Variants in KCNT2 observed in about 807,000 individuals in gnomAD.
KCNT2 encodes potassium channel subfamily T member 2.
KCNT2 carries 67 observed loss-of-function variants against 153.8 expected under a neutral mutation model. That is an observed-to-expected ratio of 0.44 (90% confidence interval 0.36 to 0.53). The LOEUF (loss-of-function observed/expected upper bound fraction) is 0.53, where lower values mean the gene tolerates loss of function less well. KCNT2 is among the 20% of genes least tolerant of loss of function. The probability of loss-of-function intolerance (pLI) is 0.00; values close to 1 mark genes in which losing one functional copy is unlikely to be tolerated. For missense variants in KCNT2, 975 were observed against 1,354.8 expected (o/e 0.72, Z 4.40); for synonymous variants, 500 against 458.8 (o/e 1.09, Z -1.15).
intron 1 of KCNT2, among the ~76,000 whole-genome samples, chr1:196,569,317 T>A (rs1459000138): frequency 6.6e-6 from 1 of 152,190 alleles, no homozygotes; most frequent in African/African-American, 2.4e-5. Context: ...AAATATTTTT[T>A]AAAAAACACA....
chr1:196,271,086 G>A (rs1030567428), intron 25 of KCNT2, among the ~76,000 whole-genome samples: 5 of 151,662 alleles, frequency 3.3e-5, no homozygotes, highest in African/African-American at 1.2e-4. Flanking sequence ...CTTATCCTTT[G>A]CAGCATCTGA....
chr1:196,312,234 G>A (rs1662253164), intron 21 of KCNT2, among the ~76,000 whole-genome samples: 1 of 151,498 alleles, frequency 6.6e-6, no homozygotes, highest in African/African-American at 2.4e-5. Context: ...ATACTGTGTA[G>A]GGAGGCGAAC....
chr1:196,571,747 C>A (rs1156861383), intron 1 of KCNT2, among the ~76,000 whole-genome samples: 5 of 151,970 alleles, frequency 3.3e-5, no homozygotes, highest in Non-Finnish European at 7.4e-5. Flanking sequence ...CATTATTCCC[C>A]TAGACATGCA....
intron 1 of KCNT2, among the ~76,000 whole-genome samples, chr1:196,563,116 C>A (rs1166035537): frequency 6.6e-6 from 1 of 151,968 alleles, no homozygotes; most frequent in Non-Finnish European, 1.5e-5. Flanking sequence ...AATGTAGGAA[C>A]CTTACTCTAG....
chr1:196,503,873 A>G (rs1680897416), intron 1 of KCNT2, among the ~76,000 whole-genome samples: 1 of 152,114 alleles, frequency 6.6e-6, no homozygotes, highest in African/African-American at 2.4e-5. Context: ...AGAAGTCACA[A>G]TTCAGTAATG....
At chr1:196,464,534 T>C (rs79083862) in intron 8 of KCNT2, among the ~76,000 whole-genome samples, 2,137 of 152,002 alleles carry the variant, frequency 0.014, 42 homozygotes, top group African/African-American at 0.048. Context: ...CCTTTTTTAG[T>C]ACTTCCTAAT....
At chr1:196,275,881 C>T (rs563167025) in intron 25 of KCNT2, among the ~76,000 whole-genome samples, 3 of 151,984 alleles carry the variant, frequency 2.0e-5, no homozygotes, top group East Asian at 3.9e-4. Context: ...CACATTATGC[C>T]TTTACATCTG....
rs115946641 is a variant in KCNT2, at chr1:196,250,453, T to G, written c.3211+7741A>C. 4.2e-3 allele frequency among the ~76,000 whole-genome samples: 635 copies of G among 152,310 alleles called. 3 individuals are homozygous for G. The highest frequency in any genetic ancestry group is 0.014 in the African/African-American group (571 of 41,578). ...ATGTGGAAGAATGAAGCTAGACCATTACCTCTCACCATTTACAAAAATAAA... is the reference window on the plus strand; with the variant it reads ...ATGTGGAAGAATGAAGCTAGACCATGACCTCTCACCATTTACAAAAATAAA... On this transcript the variant is annotated intron_variant, in intron 26 of 27. Coordinates refer to ENST00000294725, the MANE Select transcript of KCNT2 (RefSeq NM_198503.5).
At chr1:196,231,273 T>C (rs948403062) in intron 27 of KCNT2, among the ~76,000 whole-genome samples, 29 of 152,028 alleles carry the variant, frequency 1.9e-4, no homozygotes, top group African/African-American at 6.7e-4. Context: ...ATAAATTTTG[T>C]ATGCACCGGG....
intron 2 of KCNT2, among the ~76,000 whole-genome samples, chr1:196,491,974 T>C (rs963807520): frequency 1.3e-5 from 2 of 152,088 alleles, no homozygotes; most frequent in African/African-American, 4.8e-5. Context: ...TTTTCCTCAA[T>C]GTTTATACTA....
chr1:196,359,052 TA>T (rs1667407199), intron 14 of KCNT2, among the ~76,000 whole-genome samples: 1 of 152,018 alleles, frequency 6.6e-6, no homozygotes, highest in African/African-American at 2.4e-5. Context: ...TCGTTTTATT[TA>T]AATTATTCTA....
intron 22 of KCNT2, among the ~76,000 whole-genome samples, chr1:196,302,554 T>C (rs1179190375): frequency 6.6e-6 from 1 of 152,156 alleles, no homozygotes; most frequent in Non-Finnish European, 1.5e-5. Context: ...TGGAAGACTA[T>C]CTTCTGTTTC....
intron 25 of KCNT2, among the ~76,000 whole-genome samples, chr1:196,274,144 T>A (rs1658335915): frequency 6.6e-6 from 1 of 151,656 alleles, no homozygotes; most frequent in Non-Finnish European, 1.5e-5. Context: ...TCATATTGGC[T>A]ATGGAATCTA....
At chr1:196,321,571 C>T (rs969458768) in intron 19 of KCNT2, among the ~76,000 whole-genome samples, 5 of 151,862 alleles carry the variant, frequency 3.3e-5, no homozygotes, top group African/African-American at 9.7e-5. Flanking sequence ...AAGCAATGTG[C>T]CAAATCCTTG....
chr1:196,526,696 C>T (rs531294034), intron 1 of KCNT2, among the ~76,000 whole-genome samples: 10 of 152,064 alleles, frequency 6.6e-5, no homozygotes, highest in Non-Finnish European at 1.3e-4. Context: ...CGTGATCTGC[C>T]CACCTCGGCC....
At chr1:196,425,160 ACT>A (rs1228569282) in intron 11 of KCNT2, among the ~76,000 whole-genome samples, 3 of 151,626 alleles carry the variant, frequency 2.0e-5, no homozygotes, top group African/African-American at 4.8e-5. Context: ...TTTTGCAGAA[ACT>A]CTGTTTCTGT....
chr1:196,457,295 G>A (rs575365725), intron 8 of KCNT2, among the ~76,000 whole-genome samples: 15 of 151,560 alleles, frequency 9.9e-5, no homozygotes, highest in African/African-American at 3.4e-4. Context: ...GTGTTCTCTA[G>A]TACTTACTTT....
At chr1:196,368,135 T>C (rs1668196085) in intron 14 of KCNT2, among the ~76,000 whole-genome samples, 2 of 152,158 alleles carry the variant, frequency 1.3e-5, no homozygotes, top group African/African-American at 4.8e-5. Flanking sequence ...GATATTACAT[T>C]ACATGGGGCA....
chr1:196,553,805 C>T (rs1482432325), intron 1 of KCNT2, among the ~76,000 whole-genome samples: 1 of 150,740 alleles, frequency 6.6e-6, no homozygotes. Context: ...GGGAATAAAA[C>T]TATAAATCAA....
Sources: allele counts gnomAD v4.1 joint callset (sites outside exome capture counted in the v4.1 genomes callset), GRCh38; gene constraint gnomAD v4.1.1; transcripts MANE v1.5; gene names NCBI Gene and HGNC (gene_info 2026-07-23, HGNC 2026-07-21).